The following MUC17 variants were observed in gnomAD, a reference collection of about 807,000 sequenced individuals.
MUC17 encodes mucin-17.
In MUC17, 190 loss-of-function variants were observed where a neutral mutation model predicts 170.3. The observed-to-expected ratio is 1.12, with a 90% CI of 0.99 to 1.26. MUC17 has a LOEUF of 1.26. Ranked by LOEUF, MUC17 falls within the 50% of genes most tolerant of loss-of-function variation. The pLI, the probability that MUC17 is intolerant of heterozygous loss-of-function variation, is 0.00. For missense variants in MUC17, 6,415 were observed against 5,530.0 expected, an observed-to-expected ratio of 1.16 and a Z score of -5.08; for synonymous variants, 2,325 against 2,002.5, an observed-to-expected ratio of 1.16 and a Z score of -4.30.
intron 9 of MUC17, 47 bp from the exon 10 acceptor site, chr7:101,052,939 C>T: frequency 6.3e-7 from 1 of 1,582,568 alleles, no homozygotes; most frequent in Non-Finnish European, 8.6e-7. Flanking sequence ...GAAGCTGGTG[C>T]TGACTCCGTT....
intron 1 of MUC17, among the ~76,000 whole-genome samples, chr7:101,020,463 C>T (rs1584852523): frequency 6.6e-6 from 1 of 152,182 alleles, no homozygotes; most frequent in East Asian, 1.9e-4. Context: ...CCTTCCGAGC[C>T]TCAGTCTCCC....
At chr7:101,050,419 C>G (rs1794916557) in intron 6 of MUC17, 65 bp from the exon 7 acceptor site, 2 of 1,561,476 alleles carry the variant, frequency 1.3e-6, no homozygotes, top group Admixed American at 3.8e-5. Context: ...TGAAGCTTGC[C>G]TGGTACAGAT....
intron 4 of MUC17, 141 bp from the exon 5 acceptor site, chr7:101,048,704 G>A: frequency 6.9e-6 from 5 of 725,964 alleles, no homozygotes; most frequent in Admixed American, 2.8e-5. Flanking sequence ...AATAAAACAA[G>A]AAGGTGTATT....
In MUC17 at chr7:101,037,260, A is replaced by T. The variant is rs770817593; in HGVS notation, c.5844A>T (p.Thr1948=). 5 of 1,611,108 alleles carry T rather than the reference A, an allele frequency of 3.1e-6. No individual in the cohort carries two copies. The highest frequency in any genetic ancestry group is 4.2e-6 in the Non-Finnish European group (5 of 1,178,290). Residue 1948 remains threonine (T), a synonymous_variant, in exon 3 of 13, where the codon ACA becomes ACT. Coordinates refer to ENST00000306151, the MANE Select transcript of MUC17 (RefSeq NM_001040105.2). Reference sequence around the variant, plus strand: ...GTTCTGAAATCAACACCCTTTCAACAACTCTTGCTGACACCAGGACACCTG... The same window carrying T: ...GTTCTGAAATCAACACCCTTTCAACTACTCTTGCTGACACCAGGACACCTG... ...VASSEINTLS[T]TLADTRTPVT...
intron 1 of MUC17, among the ~76,000 whole-genome samples, chr7:101,028,875 G>C (rs7789439): frequency 0.031 from 4,597 of 149,404 alleles, 217 homozygotes; most frequent in African/African-American, 0.11. Flanking sequence ...GCGATACAGA[G>C]AGACACTGTC....
Position 101,048,907 on chromosome 7 carries a change from A to G in MUC17, c.12598A>G (p.Thr4200Ala). The G allele has an allele frequency of 7.4e-6, 12 of 1,614,100 alleles. No individual in the cohort carries two copies. Among genetic ancestry groups the G allele is most frequent in the Non-Finnish European group, 1.0e-5 (12 of 1,180,008 alleles). Residue 4200 changes from threonine to alanine, a missense_variant, in exon 5 of 13, where the codon ACC becomes GCC. Thr to Ala is a moderately conservative substitution (Grantham distance 58). Transcript: ENST00000306151. ...TGTGACAGTGACCAGTGTGAAGTTC[A>G]CCGAAGAGCTAAAAAACCACTCTTC... ...LTVTVTSVKF[T>A]EELKNHSSQE... is the part of the protein sequence containing the mutation.
rs146377497 is a variant in MUC17, at chr7:101,050,500, G to A, written c.12739G>A (p.Val4247Met). ...CCTCTTCAGTCTTGGCAGTGTGGTGGTGGAGCATGACGTCCTCCTAAGAAC... is the reference window on the plus strand; with the variant it reads ...CCTCTTCAGTCTTGGCAGTGTGGTGATGGAGCATGACGTCCTCCTAAGAAC... ...ITKLRLGSVV[V>M]EHDVLLRTKY... Residue 4247 changes from valine to methionine, a missense_variant, in exon 7 of 13, where the codon GTG becomes ATG. Coordinates refer to ENST00000306151, the MANE Select transcript of MUC17 (RefSeq NM_001040105.2). The A allele has an allele frequency of 1.7e-3, 2,688 of 1,613,858 alleles. 21 individuals carry two copies. The highest frequency in any genetic ancestry group is 1.1e-3 in the Non-Finnish European group (1,329 of 1,179,842).
At position 101,043,633 on chromosome 7, in the gene MUC17, A is replaced by G; in HGVS notation, c.12217A>G (p.Thr4073Ala). Residue 4073 changes from threonine (T) to alanine (A), a missense_variant, in exon 3 of 13, where the codon ACA (threonine) becomes GCA (alanine). Physicochemically the swap from Thr to Ala is moderately conservative, Grantham distance 58. Transcript: ENST00000306151. Reference sequence around the variant, plus strand: ...TACATTTCCTCCTGCTCACTCCAGTACACCTCCAACAACCTCTGCCTCCTC... The same window carrying G: ...TACATTTCCTCCTGCTCACTCCAGTGCACCTCCAACAACCTCTGCCTCCTC... ...PPTFPPAHSSTPPTTSASSTT... is the reference protein window; with the variant it reads ...PPTFPPAHSSAPPTTSASSTT... 6.2e-7 allele frequency: 1 copy of G among 1,614,070 alleles called. No individual in the cohort carries two copies. Among genetic ancestry groups the G allele is most frequent in the Non-Finnish European group, 8.5e-7 (1 of 1,179,996 alleles).
chr7:101,036,858 T>A lies in MUC17; in HGVS notation c.5442T>A (p.Pro1814=), dbSNP rs138130130. The A allele has an allele frequency of 1.9e-6, 3 of 1,608,318 alleles. No homozygotes were observed. The highest frequency in any genetic ancestry group is 3.4e-5 in the Admixed American group (2 of 59,664). Residue 1814 remains proline (P), a synonymous_variant, in exon 3 of 13, where the codon CCT becomes CCA. Coordinates refer to ENST00000306151, the MANE Select transcript of MUC17 (RefSeq NM_001040105.2). ...GAATGACTCCATTAACAAGCACACC[T>A]GTCAGCCACACGCTGGTGGCCAATT... ...SEGMTPLTST[P]VSHTLVANSE...
chr7:101,036,775 A>G lies in MUC17; in HGVS notation c.5359A>G (p.Thr1787Ala). The G allele has an allele frequency of 6.2e-7, 1 of 1,612,200 alleles. No homozygotes were observed. The highest frequency in any genetic ancestry group is 8.5e-7 in the Non-Finnish European group (1 of 1,179,458). ...STPVTTSTEA[T>A]SSPTTAEGTS... Reference sequence around the variant, plus strand: ...CCCTGTGACCACTTCTACTGAAGCCACTTCGTCTCCTACAACTGCTGAAGG... The same window carrying G: ...CCCTGTGACCACTTCTACTGAAGCCGCTTCGTCTCCTACAACTGCTGAAGG... The change falls in exon 3 of 13, where the codon ACT (threonine) becomes GCT (alanine). Residue 1787 changes from threonine to alanine, a missense_variant. Physicochemically the swap from Thr to Ala is moderately conservative, Grantham distance 58. Coordinates refer to ENST00000306151, the MANE Select transcript of MUC17 (RefSeq NM_001040105.2).
chr7:101,023,888 T>A (rs1794136677), intron 1 of MUC17, among the ~76,000 whole-genome samples: 1 of 152,034 alleles, frequency 6.6e-6, no homozygotes, highest in Non-Finnish European at 1.5e-5. Context: ...CAACATCTAT[T>A]TGCAGTTTTT....
rs1048446184 is a variant in MUC17, at chr7:101,036,290, C to T, written c.4874C>T (p.Thr1625Ile). 8 of 1,613,840 alleles carry T rather than the reference C, an allele frequency of 5.0e-6. No homozygotes were observed. In the African/African-American group the frequency reaches 6.7e-5, roughly 13 times the overall value. ...TAEGSSMTIS[T>I]PSEGSPLLTS... Reference sequence around the variant, plus strand: ...GAAGGTAGCAGCATGACAATCTCAACTCCTAGTGAAGGAAGTCCTCTATTA... The same window carrying T: ...GAAGGTAGCAGCATGACAATCTCAATTCCTAGTGAAGGAAGTCCTCTATTA... The change falls in exon 3 of 13, where the codon ACT (threonine) becomes ATT (isoleucine). Residue 1625 changes from threonine to isoleucine, a missense_variant. Transcript: ENST00000306151.
rs781205617 is a variant in MUC17 at position 101,043,117 on chromosome 7, G to C, written c.11701G>C (p.Asp3901His). 10 of 1,613,974 alleles carry C rather than the reference G, an allele frequency of 6.2e-6. No individual in the cohort carries two copies. Among genetic ancestry groups the C allele is most frequent in the Non-Finnish European group, 8.5e-6 (10 of 1,180,030 alleles). The change falls in exon 3 of 13, where the codon GAC (aspartate) becomes CAC (histidine). Residue 3901 changes from aspartate (D) to histidine (H), a missense_variant. Physicochemically the swap from Asp to His is moderately conservative, Grantham distance 81 (BLOSUM62 -1). Coordinates refer to ENST00000306151, the MANE Select transcript of MUC17 (RefSeq NM_001040105.2). ...CAGCATAGCTTCGACACCTCCTCTT[G>C]ACACAAGCACAACTTTTACCCCTTC... ...GASIASTPPL[D>H]TSTTFTPSTD...
rs1489031999 is a variant in MUC17 at position 101,052,978 on chromosome 7, C to T, written c.13104-8C>T. On this transcript the variant is annotated splice_polypyrimidine_tract_variant and splice_region_variant and intron_variant, in intron 9 of 12. Transcript: ENST00000306151. The stretch of plus-strand genomic sequence containing the variant: ...TCTCCCCAACCTGCCGCTTCTCTCC[C>T]ATCTCAGCTGCGTGACCACGGAAAC... The T allele has an allele frequency of 1.2e-6, 2 of 1,610,456 alleles. No homozygotes were observed. Among genetic ancestry groups the T allele is most frequent in the East Asian group, 2.2e-5 (1 of 44,834 alleles).
chr7:101,056,309 C>T (rs1489011478), intron 12 of MUC17, 39 bp downstream of exon 12: 1 of 1,609,910 alleles, frequency 6.2e-7, no homozygotes, highest in Admixed American at 1.7e-5. Context: ...CTCCCCCAAC[C>T]CTGCGACTTT....
intron 1 of MUC17, among the ~76,000 whole-genome samples, chr7:101,022,266 A>T (rs1451893642): frequency 6.6e-6 from 1 of 150,778 alleles, no homozygotes; most frequent in African/African-American, 2.4e-5. Flanking sequence ...TCCCAGGTTC[A>T]AGCAATTCTC....
chr7:101,033,538 C>T lies in MUC17; in HGVS notation c.2122C>T (p.Leu708Phe), dbSNP rs149430520. Residue 708 changes from leucine to phenylalanine, a missense_variant, in exon 3 of 13, where the codon CTT (leucine) becomes TTT (phenylalanine). Coordinates refer to ENST00000306151, the MANE Select transcript of MUC17 (RefSeq NM_001040105.2). ...GGTGGCCAGTTCTGAGGCTAGCACC[C>T]TTTCAACAACTCCTGTTGACACCAG... ...TLVASSEASTLSTTPVDTSTP... is the reference protein window; with the variant it reads ...TLVASSEASTFSTTPVDTSTP... 1.4e-5 allele frequency: 22 copies of T among 1,613,970 alleles called. No individual in the cohort carries two copies. Among genetic ancestry groups the T allele is most frequent in the African/African-American group, 2.7e-5 (2 of 74,902 alleles).
chr7:101,041,629 C>T lies in MUC17; in HGVS notation c.10213C>T (p.Pro3405Ser), dbSNP rs752446748. The T allele has an allele frequency of 1.9e-6, 3 of 1,613,432 alleles. No individual in the cohort carries two copies. Among genetic ancestry groups the T allele is most frequent in the Admixed American group, 3.3e-5 (2 of 59,966 alleles). Residue 3405 changes from proline (P) to serine (S), a missense_variant, in exon 3 of 13, where the codon CCT becomes TCT. Transcript: ENST00000306151. Reference protein sequence around the residue: ...SEGTTPLASMPVSTTPVVSSE... With the variant: ...SEGTTPLASMSVSTTPVVSSE... ...AGGAACCACTCCATTAGCAAGTATG[C>T]CTGTCAGCACCACGCCGGTGGTCAG... is the stretch of plus-strand genomic sequence containing the variant.
chr7:101,025,653 G>T (rs771767673), intron 1 of MUC17, among the ~76,000 whole-genome samples: 1 of 152,094 alleles, frequency 6.6e-6, no homozygotes, highest in Non-Finnish European at 1.5e-5. Flanking sequence ...AATTAGCCAG[G>T]TGTAGTTATG....
Sources: gnomAD v4.1 joint callset for allele counts (sites outside exome capture counted in the v4.1 genomes callset) on GRCh38, gnomAD v4.1.1 for gene constraint, MANE v1.5 for transcripts, NCBI Gene and HGNC (gene_info 2026-07-23, HGNC 2026-07-21) for gene names.